SPATA31C1: variants seen among roughly 807,000 people sequenced by gnomAD.
SPATA31C1 encodes the protein SPATA31 subfamily C member 1.
chr9:87,915,533 T>A (rs1398757562), intron 1 of SPATA31C1, among the ~76,000 whole-genome samples: 2 of 145,376 alleles, frequency 1.4e-5, no homozygotes, highest in Non-Finnish European at 3.1e-5. Context: ...ACTCTTGACT[T>A]TAGGTGATCC....
chr9:87,915,311 TTGTG>T lies in SPATA31C1; in HGVS notation n.189+605_189+608del, dbSNP rs1828691405. Reference sequence around the variant, plus strand: ...AATCCCTGTGTGTGTGCGTGTGTGTTTGTGTGTTATTTTTATTTATTTTGTTTTT... The same window carrying T: ...AATCCCTGTGTGTGTGCGTGTGTGTTTGTTATTTTTATTTATTTTGTTTTT... On this transcript the variant is annotated intron_variant and non_coding_transcript_variant, in intron 1 of 4. Coordinates refer to ENST00000420021, the Ensembl canonical transcript of SPATA31C1. Among the ~76,000 whole-genome samples the T allele has an allele frequency of 2.4e-4, 32 of 134,638 alleles. 1 individual carries two copies. The South Asian group carries it at 8.6e-3, about 36-fold the overall frequency. 88.3% of individuals were successfully genotyped at this position (134,638 alleles called of 152,430 possible). A position where few individuals can be genotyped will look rare whatever the true frequency, so the allele number is the denominator to read the frequency against.
exon 5 of SPATA31C1, chr9:87,920,426 T>A (rs1243420353): frequency 1.5e-5 from 24 of 1,613,754 alleles, no homozygotes; most frequent in Non-Finnish European, 1.8e-5. Context: ...GAACCAAGCA[T>A]CCTCAGGATC....
At chr9:87,920,514 C>G (rs761970323) in exon 5 of SPATA31C1, 1 of 1,613,964 alleles carries the variant, frequency 6.2e-7, no homozygotes, top group South Asian at 1.1e-5. Flanking sequence ...AGAACCTTCC[C>G]TTCTCCTAGA....
chr9:87,919,340 G>C (rs1301499605), exon 3 of SPATA31C1: 1 of 1,602,630 alleles, frequency 6.2e-7, no homozygotes, highest in East Asian at 2.4e-5. Flanking sequence ...AAAAACCACA[G>C]TCTGAGAGGT....
At position 87,921,812 on chromosome 9, in the gene SPATA31C1, A is replaced by G. The variant is rs571469349; in HGVS notation, n.2202A>G. On this transcript the variant is annotated non_coding_transcript_exon_variant, in exon 5 of 5. Coordinates refer to ENST00000420021, the Ensembl canonical transcript of SPATA31C1. ...CCCCGAAAAGTAGGAAAGCCTGTGT[A>G]AACACAGCCCAGGTGCTTTCCTTCC... 7.7e-4 allele frequency: 1,236 copies of G among 1,612,062 alleles called. 3 individuals carry two copies. The highest frequency in any genetic ancestry group is 2.4e-3 in the South Asian group (219 of 90,990).
intron 2 of SPATA31C1, chr9:87,918,962 G>A (rs1257850639): frequency 5.3e-6 from 2 of 380,602 alleles, no homozygotes; most frequent in Non-Finnish European, 1.0e-5. Context: ...TAGTAGAGAT[G>A]GGGTTTCACC....
At chr9:87,919,120 A>T (rs768363014) in intron 2 of SPATA31C1, 135 bp from the exon 2 acceptor site, 17 of 1,338,666 alleles carry the variant, frequency 1.3e-5, no homozygotes, top group Non-Finnish European at 1.8e-5. Flanking sequence ...TTTAAACATG[A>T]GTGGGAGGGG....
intron 1 of SPATA31C1, chr9:87,917,439 AAAAG>A (rs1828756697): frequency 8.6e-6 from 1 of 116,716 alleles, no homozygotes; most frequent in Non-Finnish European, 1.9e-5. Context: ...AAAATAAAAA[AAAAG>A]GAAAGTGAGA....
exon 5 of SPATA31C1, chr9:87,921,659 C>T (rs1219371898): frequency 6.2e-7 from 1 of 1,611,992 alleles, no homozygotes; most frequent in Non-Finnish European, 8.5e-7. Context: ...TCCTGAAAGC[C>T]CACATGGGCA....
Position 87,919,174 on chromosome 9 carries a change from C to A in SPATA31C1, n.523-117C>A, listed in dbSNP as rs757346507. Reference sequence around the variant, plus strand: ...CCTGAGCAAGACAGACAGAGCCATGCGGTTCATGAGTGCAGCGTGCTGCGG... The same window carrying A: ...CCTGAGCAAGACAGACAGAGCCATGAGGTTCATGAGTGCAGCGTGCTGCGG... On this transcript the variant is annotated intron_variant and non_coding_transcript_variant, in intron 2 of 4. Coordinates refer to ENST00000420021, the Ensembl canonical transcript of SPATA31C1. The A allele has an allele frequency of 7.0e-6, 11 of 1,577,314 alleles. No individual in the cohort carries two copies. In the South Asian group the frequency reaches 8.9e-5, roughly 13 times the overall value.
chr9:87,923,347 G>A lies in SPATA31C1; in HGVS notation n.3737G>A, dbSNP rs573542067. ...GATCAGCAGCCCTTGAAAAGTGTCC[G>A]GTGCAACAATGAGCAATGGGGCCTG... On this transcript the variant is annotated non_coding_transcript_exon_variant, in exon 5 of 5. Coordinates refer to ENST00000420021, the Ensembl canonical transcript of SPATA31C1. The A allele has an allele frequency of 1.7e-4, 265 of 1,602,326 alleles. 5 individuals are homozygous for A. The East Asian group carries it at 2.1e-3, about 13-fold the overall frequency.
At chr9:87,922,576 A>T in exon 5 of SPATA31C1, 2 of 1,609,670 alleles carry the variant, frequency 1.2e-6, no homozygotes, top group Non-Finnish European at 1.7e-6. Flanking sequence ...CCAGATGGGC[A>T]AGCATCTGTT....
exon 5 of SPATA31C1, chr9:87,920,376 G>A (rs781295129): frequency 6.2e-7 from 1 of 1,613,966 alleles, no homozygotes; most frequent in South Asian, 1.1e-5. Context: ...TATGGAAGAT[G>A]CTGCTCCCAT....
rs1828780776 is a variant in SPATA31C1, at chr9:87,919,226, C to G, written n.523-65C>G. The stretch of plus-strand genomic sequence containing the variant: ...TGGGGGCAGAGAGGGAGAGCCGGTC[C>G]TAGCTCCTCGCCATTTCTTGTCTCC... On this transcript the variant is annotated intron_variant and non_coding_transcript_variant, in intron 2 of 4. Coordinates refer to ENST00000420021, the Ensembl canonical transcript of SPATA31C1. 3.3e-6 allele frequency: 4 copies of G among 1,200,654 alleles called. No homozygotes were observed. In the Admixed American group the frequency reaches 9.0e-5, roughly 27 times the overall value. The allele number at this position is 1,200,654 out of a possible 1,614,324, so 74.4% of individuals were successfully genotyped here. A position where few individuals can be genotyped will look rare whatever the true frequency, so the allele number is the denominator to read the frequency against.
At chr9:87,921,603 G>A in exon 5 of SPATA31C1, 1 of 1,612,010 alleles carries the variant, frequency 6.2e-7, no homozygotes, top group South Asian at 1.1e-5. Flanking sequence ...GAGTGACTCA[G>A]GAAGTGATTT....
chr9:87,919,055 C>G (rs1404340536), intron 2 of SPATA31C1, 200 bp from the exon 2 acceptor site: 1 of 849,944 alleles, frequency 1.2e-6, no homozygotes. Context: ...TAGGCGTGAG[C>G]CACCGCACCC....
intron 2 of SPATA31C1, 127 bp from the exon 2 acceptor site, chr9:87,919,128 G>T: frequency 7.2e-7 from 1 of 1,393,904 alleles, no homozygotes; most frequent in Non-Finnish European, 9.9e-7. Context: ...TGAGTGGGAG[G>T]GGAGAAAGCA....
exon 5 of SPATA31C1, chr9:87,921,714 C>T (rs763343799): frequency 2.7e-5 from 44 of 1,611,956 alleles, no homozygotes; most frequent in East Asian, 6.7e-5. Context: ...CGTGAGTGTG[C>T]GTCGATCCTG....
intron 1 of SPATA31C1, among the ~76,000 whole-genome samples, chr9:87,916,965 C>A (rs1361654541): frequency 1.6e-4 from 12 of 73,978 alleles, no homozygotes; most frequent in Non-Finnish European, 2.2e-4. Flanking sequence ...CCACTGCACT[C>A]CAGCCTGGGC....
Sources: allele counts gnomAD v4.1 joint callset (sites outside exome capture counted in the v4.1 genomes callset), GRCh38; gene constraint gnomAD v4.1.1; transcripts MANE v1.5; gene names NCBI Gene and HGNC (gene_info 2026-07-23, HGNC 2026-07-21).